LINGO2: variants seen among roughly 807,000 people sequenced by gnomAD.
LINGO2 encodes the protein leucine rich repeat and Ig domain containing 2.
In LINGO2, 14 loss-of-function variants were observed where a neutral mutation model predicts 30.6. That is an observed-to-expected ratio of 0.46 (90% CI 0.30 to 0.72). The LOEUF is 0.72. Ranked by LOEUF, LINGO2 falls within the 30% of genes least tolerant of loss-of-function variation. The probability of loss-of-function intolerance (pLI) is 0.07; values close to 1 mark genes in which losing one functional copy is unlikely to be tolerated. For synonymous variants in LINGO2, 317 were observed against 288.5 expected, an observed-to-expected ratio of 1.10 and a Z score of -1.00; for missense variants, 729 against 751.7, an observed-to-expected ratio of 0.97 and a Z score of 0.35.
the LINGO2 span, among the ~76,000 whole-genome samples, chr9:29,056,141 T>C: frequency 5.3e-5 from 8 of 152,006 alleles, no homozygotes; most frequent in African/African-American, 1.2e-4. Context: ...AGGAGTGGGA[T>C]TGCTGGATCA....
chr9:28,045,499 A>G (rs1417050873), intron 4 of LINGO2, among the ~76,000 whole-genome samples: 1 of 152,212 alleles, frequency 6.6e-6, no homozygotes, highest in Non-Finnish European at 1.5e-5. Flanking sequence ...GGAAAAGTAG[A>G]ACTCAGAATT....
intron 1 of LINGO2, among the ~76,000 whole-genome samples, chr9:28,588,410 A>G (rs1225004654): frequency 1.3e-5 from 2 of 151,944 alleles, no homozygotes; most frequent in African/African-American, 4.8e-5. Flanking sequence ...TAGGATAACA[A>G]TGGTGTAAAA....
At chr9:27,979,316 C>T (rs994626759) in intron 5 of LINGO2, among the ~76,000 whole-genome samples, 1 of 151,882 alleles carries the variant, frequency 6.6e-6, no homozygotes, top group African/African-American at 2.4e-5. Context: ...TAATCTCTAT[C>T]TTTTATTTTG....
rs1821284669 is a variant in LINGO2 at position 28,380,050 on chromosome 9, G to GCTT, written c.-278-7183_-278-7182insAAG. 2.0e-5 allele frequency among the ~76,000 whole-genome samples: 3 copies of GCTT among 152,086 alleles called. No individual in the cohort carries two copies. In the South Asian group the frequency reaches 6.2e-4, roughly 32 times the overall value. The stretch of plus-strand genomic sequence containing the variant: ...TTCTTTTTATTTACAGATTATTTAT[G>GCTT]TCCTCTTTGCTGCTACAGTAGCAGA... On this transcript the variant is annotated intron_variant, in intron 2 of 5. Transcript: ENST00000379992.
the LINGO2 span, among the ~76,000 whole-genome samples, chr9:29,091,082 T>C: frequency 6.6e-6 from 1 of 152,094 alleles, no homozygotes; most frequent in African/African-American, 2.4e-5. Context: ...ATCTTTTCTA[T>C]TTGTCCAGCC....
the LINGO2 span, among the ~76,000 whole-genome samples, chr9:28,717,645 G>T: frequency 2.0e-5 from 3 of 151,950 alleles, no homozygotes; most frequent in East Asian, 5.8e-4. Flanking sequence ...AGAAACTAAT[G>T]GTAGACAGAG....
chr9:29,105,580 G>A, the LINGO2 span, among the ~76,000 whole-genome samples: 5 of 152,162 alleles, frequency 3.3e-5, no homozygotes, highest in Non-Finnish European at 5.9e-5. Context: ...TTGAGTATGG[G>A]AAGGACCTGT....
chr9:28,770,253 C>T, the LINGO2 span, among the ~76,000 whole-genome samples: 68 of 152,180 alleles, frequency 4.5e-4, 1 homozygote, highest in South Asian at 7.5e-3. Flanking sequence ...GATTGGAGTA[C>T]GTGAAACCCA....
the LINGO2 span, among the ~76,000 whole-genome samples, chr9:28,746,088 G>C: frequency 6.6e-6 from 1 of 151,836 alleles, no homozygotes; most frequent in African/African-American, 2.4e-5. Flanking sequence ...ATTTTGCTGG[G>C]AGAAAATTAT....
intron 4 of LINGO2, among the ~76,000 whole-genome samples, chr9:28,217,456 G>A (rs1023816556): frequency 6.6e-6 from 1 of 151,978 alleles, no homozygotes; most frequent in Non-Finnish European, 1.5e-5. Context: ...GTTTGTGCAT[G>A]TGTTCTAAAC....
chr9:28,481,997 T>C (rs1029665723), intron 1 of LINGO2, among the ~76,000 whole-genome samples: 37 of 152,242 alleles, frequency 2.4e-4, no homozygotes, highest in Admixed American at 6.6e-4. Flanking sequence ...TGTATATGTG[T>C]CACATTTTCT....
chr9:27,951,433 T>TA (rs1819305248), intron 5 of LINGO2, among the ~76,000 whole-genome samples: 1 of 152,152 alleles, frequency 6.6e-6, no homozygotes, highest in Admixed American at 6.5e-5. Context: ...ATGGCTATAA[T>TA]AAAAATGCTC....
chr9:28,759,980 T>C, the LINGO2 span, among the ~76,000 whole-genome samples: 19 of 152,182 alleles, frequency 1.2e-4, no homozygotes, highest in African/African-American at 4.1e-4. Flanking sequence ...ATTTAGAGTG[T>C]GTCATGTGCT....
At chr9:28,989,605 T>C in the LINGO2 span, among the ~76,000 whole-genome samples, 1 of 152,152 alleles carries the variant, frequency 6.6e-6, no homozygotes, top group Non-Finnish European at 1.5e-5. Flanking sequence ...ACTCACCCAC[T>C]GCTACCTGTA....
intron 4 of LINGO2, among the ~76,000 whole-genome samples, chr9:28,184,822 G>A (rs767415339): frequency 6.6e-6 from 1 of 152,042 alleles, no homozygotes; most frequent in Non-Finnish European, 1.5e-5. Flanking sequence ...CCCTATACAT[G>A]GTACAAGAAA....
chr9:29,077,212 G>T, the LINGO2 span, among the ~76,000 whole-genome samples: 1 of 151,718 alleles, frequency 6.6e-6, no homozygotes, highest in African/African-American at 2.4e-5. Flanking sequence ...TTGGCATTAA[G>T]GTTTCTTAGA....
chr9:28,773,648 T>C, the LINGO2 span, among the ~76,000 whole-genome samples: 1 of 152,204 alleles, frequency 6.6e-6, no homozygotes, highest in Non-Finnish European at 1.5e-5. Context: ...GTTTGTACAA[T>C]ACTATTGATT....
At chr9:28,794,833 TTTC>T in the LINGO2 span, among the ~76,000 whole-genome samples, 10 of 148,828 alleles carry the variant, frequency 6.7e-5, no homozygotes, top group African/African-American at 2.6e-4. Context: ...TTCTTTTTTC[TTTC>T]TTTTTTTTTT....
intron 3 of LINGO2, among the ~76,000 whole-genome samples, chr9:28,297,434 C>G (rs1229809097): frequency 6.6e-6 from 1 of 152,126 alleles, no homozygotes; most frequent in Non-Finnish European, 1.5e-5. Flanking sequence ...TTTGGTGCTA[C>G]AGGTACAAAG....
Sources: allele counts gnomAD v4.1 joint callset (sites outside exome capture counted in the v4.1 genomes callset), GRCh38; gene constraint gnomAD v4.1.1; transcripts MANE v1.5; gene names NCBI Gene and HGNC (gene_info 2026-07-23, HGNC 2026-07-21).